The following NOS1AP variants were observed in gnomAD, a reference collection of about 807,000 sequenced individuals.
The protein encoded by NOS1AP is nitric oxide synthase 1 adaptor protein.
A neutral mutation model predicts 56.2 loss-of-function variants in NOS1AP; 21 were observed. The observed-to-expected ratio is 0.37, with a 90% CI of 0.26 to 0.54. The LOEUF (loss-of-function observed/expected upper bound fraction) is 0.54. Among genes scored for constraint, NOS1AP ranks in the 20% least tolerant of loss-of-function variants. The probability of loss-of-function intolerance (pLI) is 0.84; values close to 1 mark genes in which losing one functional copy is unlikely to be tolerated. For missense variants in NOS1AP, 522 were observed against 657.8 expected (o/e 0.79, Z 2.26); for synonymous variants, 270 against 274.6 (o/e 0.98, Z 0.17).
chr1:162,198,499 C>T (rs1651879633), intron 2 of NOS1AP, among the ~76,000 whole-genome samples: 1 of 152,146 alleles, frequency 6.6e-6, no homozygotes, highest in Non-Finnish European at 1.5e-5. Flanking sequence ...AGGCAAAAGT[C>T]AAGCCCTAAA....
intron 2 of NOS1AP, among the ~76,000 whole-genome samples, chr1:162,169,357 T>C (rs1190487638): frequency 6.6e-6 from 1 of 152,228 alleles, no homozygotes; most frequent in Non-Finnish European, 1.5e-5. Flanking sequence ...GAAGTAAGAG[T>C]TTGGCTGCCT....
chr1:162,217,267 C>CTTTTTTTTTTTTTT (rs61378473), intron 2 of NOS1AP, among the ~76,000 whole-genome samples: 6,867 of 67,922 alleles, frequency 0.1, 2,381 homozygotes, highest in East Asian at 0.28. Flanking sequence ...CTGTTGTTAG[C>CTTTTTTTTTTTTTT]TTTTTTTTTT....
chr1:162,262,827 C>T (rs994411387), intron 2 of NOS1AP, among the ~76,000 whole-genome samples: 1 of 152,126 alleles, frequency 6.6e-6, no homozygotes, highest in African/African-American at 2.4e-5. Flanking sequence ...ACTCATTTAT[C>T]GAGCCCTTGA....
At chr1:162,249,493 A>G (rs185501570) in intron 2 of NOS1AP, among the ~76,000 whole-genome samples, 3 of 152,268 alleles carry the variant, frequency 2.0e-5, no homozygotes, top group Admixed American at 2.0e-4. Context: ...TTGTTACTTC[A>G]ATGAAAGCAG....
chr1:162,312,977 A>G lies in NOS1AP; in HGVS notation c.344+12271A>G, dbSNP rs559598596. The stretch of plus-strand genomic sequence containing the variant: ...AACAAATTAGGTATTGATGGGACGT[A>G]TTTCAAAATAATGAGAGCTATCTAT... On this transcript the variant is annotated intron_variant, in intron 4 of 9. Transcript: ENST00000361897. 3.9e-5 allele frequency among the ~76,000 whole-genome samples: 6 copies of G among 152,060 alleles called. No individual in the cohort carries two copies. In the South Asian group the frequency reaches 1.0e-3, roughly 26 times the overall value.
chr1:162,182,813 C>T (rs115303410), intron 2 of NOS1AP, among the ~76,000 whole-genome samples: 5,359 of 152,256 alleles, frequency 0.035, 136 homozygotes, highest in Non-Finnish European at 0.049. Context: ...CACTTCTCAT[C>T]GTAGTTCTCT....
intron 1 of NOS1AP, among the ~76,000 whole-genome samples, chr1:162,086,608 A>G (rs1447103749): frequency 1.3e-5 from 2 of 152,022 alleles, no homozygotes; most frequent in African/African-American, 2.4e-5. Flanking sequence ...ACACTGCTTC[A>G]CTCTTCACCA....
chr1:162,366,953 G>T, intron 9 of NOS1AP, 99 bp from the exon 10 acceptor site: 7 of 1,396,038 alleles, frequency 5.0e-6, no homozygotes, highest in South Asian at 1.2e-5. Context: ...GCTGGTCTGG[G>T]AAGGGCTTTG....
intron 2 of NOS1AP, among the ~76,000 whole-genome samples, chr1:162,163,619 C>A (rs1052284254): frequency 1.1e-4 from 17 of 151,936 alleles, no homozygotes; most frequent in African/African-American, 3.9e-4. Flanking sequence ...GGGAGTGAGC[C>A]GTGTGGGTAT....
At position 162,357,094 on chromosome 1, in the gene NOS1AP, C is replaced by T. The variant is rs773602861; in HGVS notation, c.897C>T (p.Leu299=). The change falls in exon 8 of 10, where the codon CTC becomes CTT. Residue 299 remains leucine (L), a synonymous_variant. Coordinates refer to ENST00000361897, the MANE Select transcript of NOS1AP (RefSeq NM_014697.3). ...THHQMQLLQQ[L]LQQQQQQTQV... is the part of the protein sequence containing the mutation. ...ACCAGATGCAGCTCCTCCAGCAGCT[C>T]CTCCAGCAGCAGCAGCAGCAGACAC... 1 of 1,611,274 alleles carries T rather than the reference C, an allele frequency of 6.2e-7. No homozygotes were observed.
rs539856107 is a variant in NOS1AP, at chr1:162,258,514, C to T, written c.178-28830C>T. Among the ~76,000 whole-genome samples the T allele has an allele frequency of 8.5e-4, 129 of 152,266 alleles. 1 individual carries two copies. The South Asian group carries it at 0.024, about 28-fold the overall frequency. On this transcript the variant is annotated intron_variant, in intron 2 of 9. Transcript: ENST00000361897. ...GCTCTCCTCTCCTCTCTTGGTTTCT[C>T]GCATTGACACGTAATGGTCCTCTGT...
chr1:162,090,190 C>G (rs541822957), intron 1 of NOS1AP, among the ~76,000 whole-genome samples: 3 of 150,756 alleles, frequency 2.0e-5, no homozygotes, highest in East Asian at 1.9e-4. Flanking sequence ...TATCTATGCT[C>G]TTTGTATGCG....
intron 2 of NOS1AP, among the ~76,000 whole-genome samples, chr1:162,201,365 G>C (rs1425791467): frequency 6.6e-6 from 1 of 152,098 alleles, no homozygotes; most frequent in Non-Finnish European, 1.5e-5. Context: ...TGGGCATTTA[G>C]GTTGATTCCA....
intron 2 of NOS1AP, among the ~76,000 whole-genome samples, chr1:162,284,003 T>G (rs939177188): frequency 1.8e-4 from 28 of 152,220 alleles, no homozygotes; most frequent in African/African-American, 6.8e-4. Context: ...ATTGGATTCC[T>G]GTCCTGTGGA....
chr1:162,274,354 G>A (rs1336426572), intron 2 of NOS1AP, among the ~76,000 whole-genome samples: 1 of 152,170 alleles, frequency 6.6e-6, no homozygotes, highest in African/African-American at 2.4e-5. Context: ...TCCAGTGGCT[G>A]CAGGCTGGAG....
At position 162,148,096 on chromosome 1, in the gene NOS1AP, CAAGT is replaced by C. The variant is rs540911207; in HGVS notation, c.106-6304_106-6301del. ...CCAATTGAAGTACCTGGATAAAAGT[CAAGT>C]AAGTTTTGCTGTGGGACTATACAGA... On this transcript the variant is annotated intron_variant, in intron 1 of 9. Coordinates refer to ENST00000361897, the MANE Select transcript of NOS1AP (RefSeq NM_014697.3). Among the ~76,000 whole-genome samples the C allele has an allele frequency of 9.7e-4, 148 of 152,250 alleles. 1 individual carries two copies. The highest frequency in any genetic ancestry group is 3.5e-3 in the African/African-American group (144 of 41,542).
intron 2 of NOS1AP, among the ~76,000 whole-genome samples, chr1:162,157,615 C>T (rs905059746): frequency 1.3e-5 from 2 of 152,114 alleles, no homozygotes; most frequent in East Asian, 3.9e-4. Context: ...AGTGGGTAGA[C>T]CTTGGAAAAC....
At chr1:162,324,231 G>T (rs1656508461) in intron 4 of NOS1AP, among the ~76,000 whole-genome samples, 1 of 152,148 alleles carries the variant, frequency 6.6e-6, no homozygotes, top group African/African-American at 2.4e-5. Flanking sequence ...CAAGCTACAT[G>T]TATGAACTCA....
At chr1:162,243,879 G>A (rs1653576908) in intron 2 of NOS1AP, among the ~76,000 whole-genome samples, 1 of 152,170 alleles carries the variant, frequency 6.6e-6, no homozygotes, top group Non-Finnish European at 1.5e-5. Flanking sequence ...CCTCAAAGGG[G>A]GTGTGAGTGG....
Sources: gnomAD v4.1 joint callset for allele counts (sites outside exome capture counted in the v4.1 genomes callset) on GRCh38, gnomAD v4.1.1 for gene constraint, MANE v1.5 for transcripts, NCBI Gene and HGNC (gene_info 2026-07-23, HGNC 2026-07-21) for gene names.